Variants in TENM2 observed in about 807,000 individuals in gnomAD.
TENM2 encodes teneurin transmembrane protein 2.
TENM2 carries 52 observed loss-of-function variants against 245.2 expected under a neutral mutation model. The ratio of observed to expected loss-of-function variants is 0.21; its 90% CI spans 0.17 to 0.27. The LOEUF (loss-of-function observed/expected upper bound fraction) is 0.27. TENM2 is among the 10% of genes least tolerant of loss of function. TENM2 has a pLI of 1.00. For missense variants in TENM2, 3,046 were observed against 3,666.8 expected (o/e 0.83, Z 4.37); for synonymous variants, 1,363 against 1,438.9 (o/e 0.95, Z 1.19).
chr5:167,772,898 A>G (rs1388879319), intron 2 of TENM2, among the ~76,000 whole-genome samples: 4 of 152,194 alleles, frequency 2.6e-5, no homozygotes, highest in Admixed American at 6.5e-5. Flanking sequence ...TCTTTCCTCC[A>G]GAGAAATAGG....
chr5:168,036,697 A>ATATG (rs1787726113), intron 5 of TENM2, among the ~76,000 whole-genome samples: 2 of 98,058 alleles, frequency 2.0e-5, no homozygotes, highest in South Asian at 3.2e-4. Flanking sequence ...ATATATATAT[A>ATATG]TATGTATGTG....
intron 1 of TENM2, among the ~76,000 whole-genome samples, chr5:167,362,640 G>A (rs566979985): frequency 1.3e-5 from 2 of 152,282 alleles, no homozygotes; most frequent in Non-Finnish European, 2.9e-5. Flanking sequence ...GTGCCTTTTG[G>A]TTAATTTCAG....
chr5:168,044,356 A>G lies in TENM2; in HGVS notation c.1187-3071A>G, dbSNP rs137893322. 2.0e-4 allele frequency among the ~76,000 whole-genome samples: 30 copies of G among 152,344 alleles called. 1 individual carries two copies. In the East Asian group the frequency reaches 4.8e-3, roughly 25 times the overall value. ...CCTGAACCCAGGAGGCAGAGCTTGC[A>G]GTGAGCCTAGATAGCGCCACTGCAC... On this transcript the variant is annotated intron_variant, in intron 5 of 28. Coordinates refer to ENST00000518659, the Ensembl canonical transcript of TENM2.
chr5:167,230,829 A>G, the TENM2 span, among the ~76,000 whole-genome samples: 1 of 152,214 alleles, frequency 6.6e-6, no homozygotes, highest in Non-Finnish European at 1.5e-5. Flanking sequence ...CTTACTTGGA[A>G]AGTGATATGG....
At chr5:168,039,188 C>T (rs941685945) in intron 5 of TENM2, among the ~76,000 whole-genome samples, 1 of 152,210 alleles carries the variant, frequency 6.6e-6, no homozygotes, top group Non-Finnish European at 1.5e-5. Context: ...TCCTCTAAAA[C>T]ATTCATAATG....
chr5:168,059,551 C>G (rs1210192303), intron 6 of TENM2, among the ~76,000 whole-genome samples: 1 of 152,162 alleles, frequency 6.6e-6, no homozygotes, highest in Non-Finnish European at 1.5e-5. Context: ...GGCCCACACA[C>G]TCTTCTTCCC....
the TENM2 span, among the ~76,000 whole-genome samples, chr5:167,183,384 G>A: frequency 2.0e-5 from 3 of 152,134 alleles, no homozygotes; most frequent in Non-Finnish European, 4.4e-5. Flanking sequence ...CCTCTTAGCA[G>A]TGTATCATAT....
chr5:168,033,049 G>A (rs1787276856), intron 5 of TENM2: 1 of 152,074 alleles, frequency 6.6e-6, no homozygotes, highest in African/African-American at 2.4e-5. Context: ...ATTGATTAAA[G>A]TTTTTAAAAA....
chr5:167,876,014 T>C, exon 3 of TENM2: 1 of 1,551,476 alleles, frequency 6.4e-7, no homozygotes, highest in Non-Finnish European at 8.7e-7. Context: ...CATCCTCGCC[T>C]AGTCTCCTCC....
intron 14 of TENM2, chr5:168,190,908 A>G (rs552808163): frequency 2.3e-5 from 4 of 173,034 alleles, no homozygotes; most frequent in Admixed American, 6.0e-5. Flanking sequence ...AGCATTGCTG[A>G]AATAGTTCAT....
At chr5:167,940,891 G>A (rs949184406) in intron 3 of TENM2, among the ~76,000 whole-genome samples, 7 of 152,048 alleles carry the variant, frequency 4.6e-5, no homozygotes, top group Non-Finnish European at 8.8e-5. Flanking sequence ...TCATCTTATC[G>A]AGAAGCCTTT....
At chr5:168,215,934 ATGT>A in intron 21 of TENM2, among the ~76,000 whole-genome samples, 1 of 152,364 alleles carries the variant, frequency 6.6e-6, no homozygotes, top group South Asian at 2.1e-4. Flanking sequence ...AGTGCCTCAC[ATGT>A]TGTAAATGCC....
intron 2 of TENM2, among the ~76,000 whole-genome samples, chr5:167,748,867 C>T (rs1015080199): frequency 4.6e-5 from 7 of 152,136 alleles, no homozygotes; most frequent in Non-Finnish European, 7.4e-5. Context: ...CATCCCTCAA[C>T]ACATGAAGAC....
chr5:168,161,390 T>A (rs1757727888), intron 12 of TENM2, among the ~76,000 whole-genome samples: 1 of 152,082 alleles, frequency 6.6e-6, no homozygotes, highest in South Asian at 2.1e-4. Flanking sequence ...GTCACTGGGG[T>A]ATATTTAAAT....
intron 2 of TENM2, among the ~76,000 whole-genome samples, chr5:167,456,700 ATCTATT>A (rs1765945252): frequency 6.6e-6 from 1 of 152,232 alleles, no homozygotes; most frequent in Non-Finnish European, 1.5e-5. Context: ...AAATGAGCTT[ATCTATT>A]TCTAATTTCG....
At chr5:167,424,219 T>C (rs1306968510) in intron 2 of TENM2, among the ~76,000 whole-genome samples, 2 of 152,254 alleles carry the variant, frequency 1.3e-5, no homozygotes, top group South Asian at 2.1e-4. Context: ...CTCTCAGTCA[T>C]TCTTCCGGCC....
At chr5:168,102,214 C>T (rs1411583049) in intron 9 of TENM2, among the ~76,000 whole-genome samples, 1 of 152,090 alleles carries the variant, frequency 6.6e-6, no homozygotes, top group Non-Finnish European at 1.5e-5. Flanking sequence ...GCTGGGATTA[C>T]AGGCATGTGC....
At chr5:166,990,034 A>G in the TENM2 span, among the ~76,000 whole-genome samples, 1 of 152,154 alleles carries the variant, frequency 6.6e-6, no homozygotes, top group Non-Finnish European at 1.5e-5. Flanking sequence ...ATAAATAGAC[A>G]AAGAAAGCAT....
the TENM2 span, among the ~76,000 whole-genome samples, chr5:167,204,384 A>G: frequency 1.3e-5 from 2 of 152,206 alleles, no homozygotes; most frequent in African/African-American, 4.8e-5. Flanking sequence ...ATTAATGTGG[A>G]CAAACCACAG....
Sources: gnomAD v4.1 joint callset for allele counts (sites outside exome capture counted in the v4.1 genomes callset) on GRCh38, gnomAD v4.1.1 for gene constraint, MANE v1.5 for transcripts, NCBI Gene and HGNC (gene_info 2026-07-23, HGNC 2026-07-21) for gene names.